Variants in SMOC1 observed in about 807,000 individuals in gnomAD.
SMOC1 encodes SPARC related modular calcium binding 1.
Under a neutral mutation model 56.3 loss-of-function variants are expected in SMOC1, and 22 were observed. That is an observed-to-expected ratio of 0.39 (90% confidence interval 0.28 to 0.56). The LOEUF is 0.56. Among genes scored for constraint, SMOC1 ranks in the 20% least tolerant of loss-of-function variants. The pLI is 0.61. For missense variants in SMOC1, 509 were observed against 565.4 expected, an observed-to-expected ratio of 0.90 and a Z score of 1.01; for synonymous variants, 193 against 215.0, an observed-to-expected ratio of 0.90 and a Z score of 0.89.
intron 1 of SMOC1, among the ~76,000 whole-genome samples, chr14:69,950,541 G>A (rs1383939206): frequency 2.6e-5 from 4 of 152,180 alleles, no homozygotes; most frequent in Non-Finnish European, 5.9e-5. Flanking sequence ...TATGATTACC[G>A]ATGGCCTGAT....
At position 69,936,468 on chromosome 14, in the gene SMOC1, C is replaced by T. The variant is rs537460938; in HGVS notation, c.100-15670C>T. Among the ~76,000 whole-genome samples, 13 of 152,340 alleles carry T rather than the reference C, an allele frequency of 8.5e-5. No homozygotes were observed. The East Asian group carries it at 2.5e-3, about 29-fold the overall frequency. On this transcript the variant is annotated intron_variant, in intron 1 of 11. Coordinates refer to ENST00000361956, the MANE Select transcript of SMOC1 (RefSeq NM_001034852.3). ...AGTTGTTCTGTGCTGAACTGAGAAC[C>T]GTAGGTGTGACACAGAGGAACAAGT...
rs564044129 is a variant in SMOC1, at chr14:70,032,206, G to A, written c.*1948G>A. The A allele has an allele frequency of 2.6e-5, 4 of 152,370 alleles. No homozygotes were observed. Among genetic ancestry groups the A allele is most frequent in the Admixed American group, 1.3e-4 (2 of 15,304 alleles). 9.4% of individuals were successfully genotyped at this position (152,370 alleles called of 1,614,324 possible). A position where few individuals can be genotyped will look rare whatever the true frequency, so the allele number is the denominator to read the frequency against. ...GGAGGAAGCATGCACACATGGAGAC[G>A]GCGCCTGCCTGTAGATGTTTGGATC... On this transcript the variant is annotated 3_prime_UTR_variant, in exon 12 of 12. Transcript: ENST00000361956.
At chr14:69,967,123 A>G (rs1023000346) in intron 3 of SMOC1, among the ~76,000 whole-genome samples, 1 of 152,228 alleles carries the variant, frequency 6.6e-6, no homozygotes, top group Non-Finnish European at 1.5e-5. Flanking sequence ...GTTGGCAGCC[A>G]TATCACACCA....
intron 1 of SMOC1, among the ~76,000 whole-genome samples, chr14:69,884,530 T>C (rs1232130332): frequency 6.6e-6 from 1 of 152,164 alleles, no homozygotes; most frequent in African/African-American, 2.4e-5. Flanking sequence ...CATGGAGCTT[T>C]CCCCCTATGT....
Position 70,005,518 on chromosome 14 carries a change from A to G in SMOC1, c.665-5236A>G, listed in dbSNP as rs1000392331. ...CTTTGGTCCTTCTTTGCTATGTGCA[A>G]TTAGTGGTGGACAGGGTTGTGTGCC... is the stretch of plus-strand genomic sequence containing the variant. On this transcript the variant is annotated intron_variant, in intron 7 of 11. Coordinates refer to ENST00000361956, the MANE Select transcript of SMOC1 (RefSeq NM_001034852.3). Among the ~76,000 whole-genome samples, 7 of 152,114 alleles carry G rather than the reference A, an allele frequency of 4.6e-5. No individual in the cohort carries two copies. The South Asian group carries it at 6.2e-4, about 14-fold the overall frequency.
chr14:69,979,348 G>A (rs148649258), intron 5 of SMOC1, among the ~76,000 whole-genome samples: 1 of 152,212 alleles, frequency 6.6e-6, no homozygotes, highest in African/African-American at 2.4e-5. Context: ...CAGAAAACAG[G>A]GACCAATGGG....
At chr14:69,906,412 C>G (rs1884409567) in intron 1 of SMOC1, among the ~76,000 whole-genome samples, 2 of 152,186 alleles carry the variant, frequency 1.3e-5, no homozygotes, top group South Asian at 4.1e-4. Context: ...CCAACAGCCT[C>G]AGCTGATGTC....
intron 1 of SMOC1, among the ~76,000 whole-genome samples, chr14:69,909,304 G>A (rs1454496395): frequency 6.6e-6 from 1 of 152,238 alleles, no homozygotes; most frequent in African/African-American, 2.4e-5. Flanking sequence ...ACTTCAGCGT[G>A]TGAAATATCG....
At chr14:69,991,870 T>C (rs997715095) in intron 5 of SMOC1, among the ~76,000 whole-genome samples, 1 of 152,180 alleles carries the variant, frequency 6.6e-6, no homozygotes, top group Non-Finnish European at 1.5e-5. Flanking sequence ...TGCCTTCTTA[T>C]CTGTTTTAGG....
intron 1 of SMOC1, among the ~76,000 whole-genome samples, chr14:69,880,735 A>G (rs181177048): frequency 9.8e-5 from 15 of 152,350 alleles, no homozygotes; most frequent in Admixed American, 7.8e-4. Flanking sequence ...CTGAGAGTCC[A>G]TGTGAAAGTA....
intron 1 of SMOC1, among the ~76,000 whole-genome samples, chr14:69,925,667 G>A (rs1048654617): frequency 1.3e-5 from 2 of 152,176 alleles, no homozygotes; most frequent in Non-Finnish European, 2.9e-5. Context: ...TGGGCACATA[G>A]TAGGTTCAAA....
At chr14:69,996,649 A>G (rs1884776726) in intron 7 of SMOC1, among the ~76,000 whole-genome samples, 1 of 152,084 alleles carries the variant, frequency 6.6e-6, no homozygotes, top group Non-Finnish European at 1.5e-5. Flanking sequence ...GGCCACGTTT[A>G]TTTTTCTCTG....
At chr14:70,001,796 G>A (rs1363756267) in intron 7 of SMOC1, among the ~76,000 whole-genome samples, 1 of 152,222 alleles carries the variant, frequency 6.6e-6, no homozygotes, top group African/African-American at 2.4e-5. Context: ...TGAGGCATGT[G>A]CAAGAGTTAC....
intron 8 of SMOC1, 97 bp from the exon 9 acceptor site, chr14:70,011,388 G>C: frequency 8.3e-7 from 1 of 1,209,230 alleles, no homozygotes; most frequent in Non-Finnish European, 1.2e-6. Flanking sequence ...CAGTGCTTTA[G>C]GCTTGGTGAC....
intron 6 of SMOC1, chr14:69,994,129 T>G: frequency 3.9e-6 from 2 of 507,834 alleles, no homozygotes; most frequent in Non-Finnish European, 7.1e-6. Context: ...TGGGATAATA[T>G]TTTTATTCCT....
At chr14:69,897,288 G>A (rs1884125259) in intron 1 of SMOC1, among the ~76,000 whole-genome samples, 1 of 152,162 alleles carries the variant, frequency 6.6e-6, no homozygotes, top group Non-Finnish European at 1.5e-5. Context: ...CTGTTAGCAT[G>A]ACTTCCTGGA....
At chr14:69,906,489 C>T (rs1884411317) in intron 1 of SMOC1, among the ~76,000 whole-genome samples, 1 of 152,202 alleles carries the variant, frequency 6.6e-6, no homozygotes, top group African/African-American at 2.4e-5. Flanking sequence ...CTGCCCCCAG[C>T]CGTAAATTCA....
rs12164873 is a variant in SMOC1, at chr14:69,964,567, C to T, written c.378+11035C>T. On this transcript the variant is annotated intron_variant, in intron 3 of 11. Coordinates refer to ENST00000361956, the MANE Select transcript of SMOC1 (RefSeq NM_001034852.3). ...TAATTTTTTGTATTTTTAGTAGAGA[C>T]GGGGTTTCACTGTGTTAGCCAAGAT... is the stretch of plus-strand genomic sequence containing the variant. Among the ~76,000 whole-genome samples the T allele has an allele frequency of 4.7e-3, 714 of 151,960 alleles. 4 individuals are homozygous for T. Among genetic ancestry groups the T allele is most frequent in the African/African-American group, 0.016 (653 of 41,454 alleles).
At chr14:70,009,453 C>A (rs1885256784) in intron 7 of SMOC1, among the ~76,000 whole-genome samples, 1 of 152,132 alleles carries the variant, frequency 6.6e-6, no homozygotes, top group African/African-American at 2.4e-5. Context: ...AGGAAGTTGG[C>A]TTCTTTAAAG....
Sources: gnomAD v4.1 joint callset for allele counts (sites outside exome capture counted in the v4.1 genomes callset) on GRCh38, gnomAD v4.1.1 for gene constraint, MANE v1.5 for transcripts, NCBI Gene and HGNC (gene_info 2026-07-23, HGNC 2026-07-21) for gene names.